The following PGM3 variants were observed in gnomAD, a reference collection of about 807,000 sequenced individuals.
The protein encoded by PGM3 is phosphoacetylglucosamine mutase.
In PGM3, 40 loss-of-function variants were observed where a neutral mutation model predicts 66.2. The observed-to-expected ratio is 0.60, with a 90% CI of 0.47 to 0.79. The LOEUF is 0.79. Ranked by LOEUF, PGM3 falls within the 30% of genes least tolerant of loss-of-function variation. PGM3 has a pLI of 0.00. For missense variants in PGM3, 537 were observed against 643.4 expected, an observed-to-expected ratio of 0.83 and a Z score of 1.79; for synonymous variants, 191 against 224.2, an observed-to-expected ratio of 0.85 and a Z score of 1.32.
At chr6:83,170,535 C>T (rs1199640773) in intron 11 of PGM3, 57 bp from the exon 12 acceptor site, 1 of 1,376,236 alleles carries the variant, frequency 7.3e-7, no homozygotes, top group East Asian at 2.3e-5. Flanking sequence ...AGAAGCTTAA[C>T]CTGTTAAACA....
chr6:83,152,307 G>A, the PGM3 span: 1 of 1,571,218 alleles, frequency 6.4e-7, no homozygotes, highest in South Asian at 1.2e-5. Flanking sequence ...CACCTGCAAT[G>A]GAAACCGCAA....
At chr6:83,178,906 A>G (rs1787969202) in intron 7 of PGM3, 150 bp from the exon 8 acceptor site, 1 of 625,456 alleles carries the variant, frequency 1.6e-6, no homozygotes, top group Admixed American at 2.9e-5. Flanking sequence ...ATTTACATGT[A>G]TGCCAGGAAA....
chr6:83,164,450 T>A (rs1478329744), downstream of PGM3, among the ~76,000 whole-genome samples: 2 of 152,124 alleles, frequency 1.3e-5, no homozygotes, highest in African/African-American at 4.8e-5. Flanking sequence ...TGCCTGCCTT[T>A]CATTAGTAAT....
chr6:83,171,879 G>A (rs1787224375), intron 11 of PGM3, 58 bp downstream of exon 11: 1 of 1,279,920 alleles, frequency 7.8e-7, no homozygotes, highest in African/African-American at 1.5e-5. Context: ...TGAGAATTGG[G>A]ATAATAGGTT....
intron 10 of PGM3, among the ~76,000 whole-genome samples, chr6:83,173,962 T>C (rs1583263825): frequency 6.6e-6 from 1 of 152,026 alleles, no homozygotes; most frequent in East Asian, 1.9e-4. Context: ...GGTCTCGATC[T>C]CCTGACCTCG....
chr6:83,151,458 G>C, the PGM3 span: 1 of 563,062 alleles, frequency 1.8e-6, no homozygotes, highest in East Asian at 3.1e-5. Context: ...TGAGTCATAG[G>C]ATATGTATAT....
rs1306544701 is a variant in PGM3 at position 83,174,439 on chromosome 6, G to A, written c.1177C>T (p.Gln393Ter). Residue 393 changes from glutamine (Q) to a stop codon, truncating the protein, a stop_gained, in exon 10 of 13, where the codon CAA becomes TAA. Transcript: ENST00000513973. LOFTEE classifies it high-confidence loss of function. ...VEMKIKQSAEQLEDKKRKAAK... is the reference protein window; with the variant it reads ...VEMKIKQSAE The stretch of plus-strand genomic sequence containing the variant: ...GCTTTTCTTTTCTTATCTTCCAGTT[G>A]TTCTGCTGATTGTTTTATCTTCATT... The A allele has an allele frequency of 6.2e-7, 1 of 1,607,688 alleles. No individual in the cohort carries two copies.
At chr6:83,152,168 T>A in the PGM3 span, 29 of 882,396 alleles carry the variant, frequency 3.3e-5, no homozygotes, top group East Asian at 5.3e-4. Context: ...GTGGGAAAAA[T>A]ATATATATAC....
chr6:83,151,716 ATG>A, the PGM3 span: 14 of 1,522,030 alleles, frequency 9.2e-6, no homozygotes, highest in Non-Finnish European at 1.2e-5. Flanking sequence ...CAATTTGAAA[ATG>A]AGAGAGTCAA....
the PGM3 span, among the ~76,000 whole-genome samples, chr6:83,150,400 A>G: frequency 1.8e-5 from 2 of 110,386 alleles, no homozygotes; most frequent in Non-Finnish European, 3.7e-5. Flanking sequence ...CTTTCCTTAC[A>G]TGCCTTTTCT....
In PGM3 at chr6:83,179,903, A is replaced by G; in HGVS notation, c.852T>C (p.Tyr284=). The G allele has an allele frequency of 6.2e-7, 1 of 1,612,700 alleles. No homozygotes were observed. The highest frequency in any genetic ancestry group is 8.5e-7 in the Non-Finnish European group (1 of 1,178,914). Residue 284 remains tyrosine (Y), a synonymous_variant, in exon 7 of 13, where the codon TAT becomes TAC. Transcript: ENST00000513973. Reference sequence around the variant, plus strand: ...AGTGGCCATCTGCATCATGGTAGTAATAAACAATTCTGTCTGCATCTCCAT... The same window carrying G: ...AGTGGCCATCTGCATCATGGTAGTAGTAAACAATTCTGTCTGCATCTCCAT... The part of the protein sequence containing the change: ...SFDGDADRIV[Y]YYHDADGHFH...
At chr6:83,148,901 A>ACAAT in the PGM3 span, 3 of 1,263,456 alleles carry the variant, frequency 2.4e-6, no homozygotes, top group Non-Finnish European at 3.2e-6. Flanking sequence ...AAATAAAAGG[A>ACAAT]TAATGTTAAT....
chr6:83,159,832 G>A (rs200352312), downstream of PGM3: 61 of 1,614,120 alleles, frequency 3.8e-5, no homozygotes, highest in Non-Finnish European at 4.8e-5. Flanking sequence ...TGGAGACAAC[G>A]TACACAGGAG....
At chr6:83,185,659 T>C (rs1788527195) in intron 4 of PGM3, among the ~76,000 whole-genome samples, 1 of 152,032 alleles carries the variant, frequency 6.6e-6, no homozygotes, top group South Asian at 2.1e-4. Context: ...CTCGGGAGGC[T>C]GAGGCAGGAG....
chr6:83,149,375 T>C, the PGM3 span, among the ~76,000 whole-genome samples: 63 of 152,308 alleles, frequency 4.1e-4, 1 homozygote, highest in East Asian at 9.6e-3. Context: ...GCCATTATTC[T>C]TGATTCCTAA....
chr6:83,178,218 A>C (rs1787919602), intron 8 of PGM3, among the ~76,000 whole-genome samples: 1 of 152,228 alleles, frequency 6.6e-6, no homozygotes, highest in South Asian at 2.1e-4. Context: ...CCTTCTCTAA[A>C]GGAGTAATAA....
At position 83,171,819 on chromosome 6, in the gene PGM3, A is replaced by G. The variant is rs868630336; in HGVS notation, c.1365+118T>C. 24 of 797,716 alleles carry G rather than the reference A, an allele frequency of 3.0e-5. No homozygotes were observed. In the South Asian group the frequency reaches 4.2e-4, roughly 14 times the overall value. 49.4% of individuals were successfully genotyped at this position (797,716 alleles called of 1,614,324 possible). A position where few individuals can be genotyped will look rare whatever the true frequency, so the allele number is the denominator to read the frequency against. On this transcript the variant is annotated intron_variant, in intron 11 of 12. Coordinates refer to ENST00000513973, the MANE Select transcript of PGM3 (RefSeq NM_015599.3). ...CATAAGGCCTTATTTTCTATGTATC[A>G]TATGTGTATGTACAGAATGAAATAG...
chr6:83,169,807 C>T, intron 12 of PGM3: 1 of 457,392 alleles, frequency 2.2e-6, no homozygotes. Context: ...GTGAAGAGGC[C>T]AAATAATAAA....
the PGM3 span, chr6:83,152,402 T>G: frequency 1.0e-6 from 1 of 989,202 alleles, no homozygotes; most frequent in Admixed American, 2.8e-5. Flanking sequence ...AACTCTCAAG[T>G]AGACTGTTTC....
Sources: gnomAD v4.1 joint callset for allele counts (sites outside exome capture counted in the v4.1 genomes callset) on GRCh38, gnomAD v4.1.1 for gene constraint, MANE v1.5 for transcripts, NCBI Gene and HGNC (gene_info 2026-07-23, HGNC 2026-07-21) for gene names.